The following ZRANB3 variants were observed in gnomAD, a reference collection of about 807,000 sequenced individuals.
The protein encoded by ZRANB3 is DNA annealing helicase and endonuclease ZRANB3.
Under a neutral mutation model 133.8 loss-of-function variants are expected in ZRANB3, and 125 were observed. The observed-to-expected ratio is 0.93, with a 90% CI of 0.81 to 1.08. The LOEUF (loss-of-function observed/expected upper bound fraction) is 1.08, where lower values mean the gene tolerates loss of function less well. Ranked by LOEUF, ZRANB3 falls within the 50% of genes least tolerant of loss-of-function variation. The pLI, the probability that ZRANB3 is intolerant of heterozygous loss-of-function variation, is 0.00. For missense variants in ZRANB3, 1,229 were observed against 1,275.5 expected, an observed-to-expected ratio of 0.96 and a Z score of 0.56; for synonymous variants, 387 against 432.7, an observed-to-expected ratio of 0.89 and a Z score of 1.31.
intron 1 of ZRANB3, among the ~76,000 whole-genome samples, chr2:135,529,424 G>A (rs571847742): frequency 1.8e-4 from 28 of 152,276 alleles, no homozygotes; most frequent in African/African-American, 5.5e-4. Flanking sequence ...CCATGTGGCC[G>A]ATGAATAAAG....
chr2:135,479,580 C>T (rs1378332130), intron 2 of ZRANB3, among the ~76,000 whole-genome samples: 8 of 151,986 alleles, frequency 5.3e-5, no homozygotes, highest in Non-Finnish European at 1.2e-4. Context: ...GCGAGAGAAT[C>T]GCTTGAATCC....
intron 1 of ZRANB3, among the ~76,000 whole-genome samples, chr2:135,518,096 A>G (rs1295923592): frequency 6.6e-6 from 1 of 152,104 alleles, no homozygotes; most frequent in East Asian, 1.9e-4. Flanking sequence ...AGTAATGGCA[A>G]ATGCCCCTCC....
intron 1 of ZRANB3, among the ~76,000 whole-genome samples, chr2:135,518,053 C>T (rs1693773163): frequency 1.3e-5 from 2 of 152,156 alleles, no homozygotes; most frequent in Admixed American, 6.5e-5. Flanking sequence ...GCTTTGTTTA[C>T]ACCGTGAGGG....
chr2:135,366,907 G>A (rs182051089), intron 3 of ZRANB3, among the ~76,000 whole-genome samples: 19 of 152,166 alleles, frequency 1.2e-4, no homozygotes, highest in Admixed American at 5.2e-4. Flanking sequence ...TGTAGTCCCA[G>A]CTATTCAGGA....
chr2:135,229,614 G>C (rs1047026646), intron 13 of ZRANB3, among the ~76,000 whole-genome samples: 11 of 151,918 alleles, frequency 7.2e-5, no homozygotes, highest in Admixed American at 7.2e-4. Context: ...TGATCCGCCC[G>C]CCTCGGCCTC....
At chr2:135,525,607 G>T (rs62168777) in intron 1 of ZRANB3, among the ~76,000 whole-genome samples, 4,203 of 152,264 alleles carry the variant, frequency 0.028, 87 homozygotes, top group South Asian at 0.045. Context: ...CAGCACTGTG[G>T]GAGGCTGAGG....
At position 135,434,044 on chromosome 2, in the gene ZRANB3, C is replaced by G. The variant is rs546136507; in HGVS notation, c.162-43224G>C. Among the ~76,000 whole-genome samples the G allele has an allele frequency of 9.2e-5, 14 of 152,180 alleles. No homozygotes were observed. In the East Asian group the frequency reaches 2.5e-3, roughly 27 times the overall value. Reference sequence around the variant, plus strand: ...AGTTGTGGTGGTAGATGCCTGTAATCCCGGATGCTCGGGAGGCTGAGGCAG... The same window carrying G: ...AGTTGTGGTGGTAGATGCCTGTAATGCCGGATGCTCGGGAGGCTGAGGCAG... On this transcript the variant is annotated intron_variant, in intron 2 of 20. Coordinates refer to ENST00000264159, the MANE Select transcript of ZRANB3 (RefSeq NM_032143.4).
intron 2 of ZRANB3, among the ~76,000 whole-genome samples, chr2:135,491,144 T>C (rs1692353378): frequency 6.6e-6 from 1 of 152,120 alleles, no homozygotes; most frequent in South Asian, 2.1e-4. Flanking sequence ...AAGGACACCG[T>C]ACAGAAACAA....
At chr2:135,233,939 A>C (rs1396248016) in intron 12 of ZRANB3, among the ~76,000 whole-genome samples, 1 of 152,236 alleles carries the variant, frequency 6.6e-6, no homozygotes, top group Non-Finnish European at 1.5e-5. Context: ...ATTCACACAT[A>C]ACAGTAATAA....
At chr2:135,231,122 T>G (rs1221373811) in intron 12 of ZRANB3, among the ~76,000 whole-genome samples, 195 bp from the exon 13 acceptor site, 1 of 152,126 alleles carries the variant, frequency 6.6e-6, no homozygotes, top group African/African-American at 2.4e-5. Flanking sequence ...ATCCATGTAC[T>G]TCCTGTGTCT....
intron 2 of ZRANB3, among the ~76,000 whole-genome samples, chr2:135,409,310 G>T (rs1209332946): frequency 6.6e-6 from 1 of 152,100 alleles, no homozygotes; most frequent in Non-Finnish European, 1.5e-5. Context: ...CAACATTGGG[G>T]ATTACATTTC....
chr2:135,483,190 T>G (rs561467714), intron 2 of ZRANB3, among the ~76,000 whole-genome samples: 1 of 151,738 alleles, frequency 6.6e-6, no homozygotes, highest in Non-Finnish European at 1.5e-5. Context: ...TCAGAAGGAA[T>G]GGTACCAGCT....
chr2:135,485,991 T>C (rs1223861139), intron 2 of ZRANB3, among the ~76,000 whole-genome samples: 1 of 152,218 alleles, frequency 6.6e-6, no homozygotes, highest in Non-Finnish European at 1.5e-5. Context: ...TTATTAACCA[T>C]GTATATTCAC....
intron 6 of ZRANB3, among the ~76,000 whole-genome samples, chr2:135,322,245 G>A (rs536091107): frequency 1.3e-5 from 2 of 152,154 alleles, no homozygotes; most frequent in Admixed American, 1.3e-4. Flanking sequence ...CCTGATTGAC[G>A]ACTGTAAAGA....
chr2:135,221,826 A>G (rs1386762269), intron 15 of ZRANB3, among the ~76,000 whole-genome samples: 1 of 152,046 alleles, frequency 6.6e-6, no homozygotes, highest in African/African-American at 2.4e-5. Flanking sequence ...AACCTATAAG[A>G]GGAGCATTGA....
At chr2:135,310,516 G>A (rs1027522290) in intron 8 of ZRANB3, among the ~76,000 whole-genome samples, 5 of 151,964 alleles carry the variant, frequency 3.3e-5, no homozygotes, top group African/African-American at 1.2e-4. Flanking sequence ...AGAATTATAT[G>A]CTACAAAAAT....
chr2:135,397,321 G>A (rs1250618379), intron 2 of ZRANB3, among the ~76,000 whole-genome samples: 1 of 151,816 alleles, frequency 6.6e-6, no homozygotes, highest in Admixed American at 6.6e-5. Flanking sequence ...GGTGGTGTGT[G>A]CCTCTAGCCC....
chr2:135,402,579 C>T (rs1294400341), intron 2 of ZRANB3, among the ~76,000 whole-genome samples: 1 of 151,546 alleles, frequency 6.6e-6, no homozygotes, highest in Admixed American at 6.6e-5. Flanking sequence ...CAGGGCTTAG[C>T]CACTGCACCC....
intron 2 of ZRANB3, among the ~76,000 whole-genome samples, chr2:135,485,180 AAAC>A (rs1431578927): frequency 8.7e-6 from 1 of 115,328 alleles, no homozygotes; most frequent in Non-Finnish European, 1.6e-5. Context: ...AAACAAAACA[AAAC>A]AAAACATAAC....
Sources: gnomAD v4.1 joint callset for allele counts (sites outside exome capture counted in the v4.1 genomes callset) on GRCh38, gnomAD v4.1.1 for gene constraint, MANE v1.5 for transcripts, NCBI Gene and HGNC (gene_info 2026-07-23, HGNC 2026-07-21) for gene names.